Variants in MCU observed in about 807,000 individuals in gnomAD.
The protein encoded by MCU is mitochondrial calcium uniporter, also known as calcium uniporter protein, mitochondrial.
A neutral mutation model predicts 45.2 loss-of-function variants in MCU; 12 were observed. The observed-to-expected ratio is 0.27, with a 90% CI of 0.17 to 0.43. The LOEUF is 0.43. MCU is among the 20% of genes least tolerant of loss of function. MCU has a pLI of 1.00. For missense variants in MCU, 324 were observed against 436.7 expected, an observed-to-expected ratio of 0.74 and a Z score of 2.30; for synonymous variants, 160 against 165.1, an observed-to-expected ratio of 0.97 and a Z score of 0.24.
chr10:72,867,905 C>G (rs1845482199), intron 4 of MCU, among the ~76,000 whole-genome samples: 1 of 149,952 alleles, frequency 6.7e-6, no homozygotes, highest in Non-Finnish European at 1.5e-5. Context: ...TTTATTTATG[C>G]CTTTGTATTT....
In MCU at chr10:72,887,191, GTTTC is replaced by G. The variant is rs1332917281; in HGVS notation, c.*1375_*1378del. 6.5e-6 allele frequency: 1 copy of G among 152,708 alleles called. No homozygotes were observed. The highest frequency in any genetic ancestry group is 1.5e-5 in the Non-Finnish European group (1 of 68,054). 9.5% of individuals were successfully genotyped at this position (152,708 alleles called of 1,614,324 possible). On this transcript the variant is annotated 3_prime_UTR_variant, in exon 8 of 8. Transcript: ENST00000373053. ...TCATCCTTCCTCATTGTGGCAAGGA[GTTTC>G]TTTCTCTTTTTCTTCCTCCTTTGGG...
intron 1 of MCU, among the ~76,000 whole-genome samples, chr10:72,752,845 C>G (rs1484202316): frequency 2.0e-5 from 3 of 152,106 alleles, no homozygotes; most frequent in Non-Finnish European, 4.4e-5. Flanking sequence ...GTGGAAGGAG[C>G]CCTTCTTAAA....
intron 1 of MCU, among the ~76,000 whole-genome samples, chr10:72,706,416 A>C (rs778839298): frequency 1.6e-4 from 25 of 152,204 alleles, no homozygotes; most frequent in Non-Finnish European, 2.5e-4. Context: ...TTTATTGACT[A>C]GGTATCTTAC....
In MCU at chr10:72,887,424, A is replaced by G. The variant is rs531903918; in HGVS notation, c.*1602A>G. The stretch of plus-strand genomic sequence containing the variant: ...TCTCCCTCCACCACCCCCAGTCGTC[A>G]GCTCCTTCCCTCATTTATTTTTGTT... On this transcript the variant is annotated 3_prime_UTR_variant, in exon 8 of 8. Coordinates refer to ENST00000373053, the MANE Select transcript of MCU (RefSeq NM_138357.3). The G allele has an allele frequency of 2.0e-5, 3 of 152,788 alleles. No homozygotes were observed. Among genetic ancestry groups the G allele is most frequent in the African/African-American group, 4.8e-5 (2 of 41,518 alleles). 9.5% of individuals were successfully genotyped at this position (152,788 alleles called of 1,614,324 possible).
intron 1 of MCU, among the ~76,000 whole-genome samples, chr10:72,751,341 C>CTTCTTTT (rs1474252109): frequency 2.2e-5 from 1 of 44,752 alleles, no homozygotes; most frequent in African/African-American, 8.4e-5. Flanking sequence ...TCTTCTTCTT[C>CTTCTTTT]TTTTTTTTTT....
chr10:72,887,331 C>A lies in MCU; in HGVS notation c.*1509C>A, dbSNP rs2132911287. The A allele has an allele frequency of 6.5e-6, 1 of 152,880 alleles. No homozygotes were observed. Among genetic ancestry groups the A allele is most frequent in the South Asian group, 2.1e-4 (1 of 4,816 alleles). The allele number at this position is 152,880 out of a possible 1,614,324, so 9.5% of individuals were successfully genotyped here. On this transcript the variant is annotated 3_prime_UTR_variant, in exon 8 of 8. Coordinates refer to ENST00000373053, the MANE Select transcript of MCU (RefSeq NM_138357.3). ...GCTGCTGCTGCTACTCCTGCCAACA[C>A]CCCTTTCATTGGCATGACGGAATGA...
intron 4 of MCU, among the ~76,000 whole-genome samples, chr10:72,868,275 A>G (rs1165166745): frequency 1.3e-5 from 2 of 152,152 alleles, no homozygotes; most frequent in African/African-American, 4.8e-5. Context: ...TTGGCTGGGC[A>G]TGGTGGCTAA....
intron 2 of MCU, among the ~76,000 whole-genome samples, chr10:72,839,100 G>A (rs1031509844): frequency 2.0e-5 from 3 of 151,466 alleles, no homozygotes; most frequent in Admixed American, 6.6e-5. Flanking sequence ...AGCAATTCTC[G>A]TGCCTCAGCC....
chr10:72,820,102 T>C lies in MCU; in HGVS notation c.151-14257T>C, dbSNP rs933796535. ...AGTAAGGATCCTGCATCAATGGGAA[T>C]GTGTCACAAAATATCCGTTTACATT... On this transcript the variant is annotated intron_variant, in intron 1 of 7. Transcript: ENST00000373053. Among the ~76,000 whole-genome samples, 3 of 152,356 alleles carry C rather than the reference T, an allele frequency of 2.0e-5. No individual in the cohort carries two copies. In the East Asian group the frequency reaches 5.8e-4, roughly 29 times the overall value.
At chr10:72,701,752 C>T (rs1291947309) in intron 1 of MCU, among the ~76,000 whole-genome samples, 2 of 151,930 alleles carry the variant, frequency 1.3e-5, no homozygotes, top group African/African-American at 4.8e-5. Context: ...AGGATGGTCT[C>T]GATCTCCTGA....
At chr10:72,783,535 GGA>G (rs1844026951) in intron 1 of MCU, among the ~76,000 whole-genome samples, 1 of 152,112 alleles carries the variant, frequency 6.6e-6, no homozygotes, top group Non-Finnish European at 1.5e-5. Flanking sequence ...TCTCTTCCTA[GGA>G]GAGTTTACTT....
intron 1 of MCU, among the ~76,000 whole-genome samples, chr10:72,693,382 G>A (rs1250351675): frequency 6.6e-6 from 1 of 152,178 alleles, no homozygotes; most frequent in Non-Finnish European, 1.5e-5. Context: ...CTGGGGCTGA[G>A]TTGTATAGTG....
chr10:72,770,149 T>A (rs1843783715), intron 1 of MCU, among the ~76,000 whole-genome samples: 1 of 152,200 alleles, frequency 6.6e-6, no homozygotes, highest in Non-Finnish European at 1.5e-5. Flanking sequence ...TATTTCATTG[T>A]GATCAGAGAG....
chr10:72,768,583 T>G (rs1843761091), intron 1 of MCU, among the ~76,000 whole-genome samples: 1 of 152,180 alleles, frequency 6.6e-6, no homozygotes, highest in South Asian at 2.1e-4. Context: ...AGTTTCAACC[T>G]CTTAAATGGT....
chr10:72,712,499 C>T (rs1324193687), intron 1 of MCU: 3 of 152,090 alleles, frequency 2.0e-5, no homozygotes, highest in Admixed American at 6.6e-5. Context: ...AATTTGTTGG[C>T]ATTAATTCAT....
chr10:72,871,331 G>T (rs777448428), intron 5 of MCU, 46 bp from the exon 6 acceptor site: 1 of 1,575,310 alleles, frequency 6.3e-7, no homozygotes, highest in East Asian at 2.2e-5. Context: ...AGCCTTTTTA[G>T]ATTGGTTTTA....
intron 1 of MCU, among the ~76,000 whole-genome samples, chr10:72,805,859 G>A (rs1003333256): frequency 2.0e-5 from 3 of 152,198 alleles, no homozygotes; most frequent in African/African-American, 7.2e-5. Context: ...TAAGCACTTA[G>A]AAGAGAGATG....
At chr10:72,764,128 C>A (rs1228229650) in intron 1 of MCU, among the ~76,000 whole-genome samples, 2 of 152,154 alleles carry the variant, frequency 1.3e-5, no homozygotes, top group Non-Finnish European at 2.9e-5. Flanking sequence ...GTTGACTGGA[C>A]ACATGTTTTG....
chr10:72,875,905 G>A (rs1251462995), intron 6 of MCU, among the ~76,000 whole-genome samples: 2 of 152,198 alleles, frequency 1.3e-5, no homozygotes, highest in Non-Finnish European at 2.9e-5. Flanking sequence ...CAATGAAGGG[G>A]ATGATGTTGC....
Sources: allele counts gnomAD v4.1 joint callset (sites outside exome capture counted in the v4.1 genomes callset), GRCh38; gene constraint gnomAD v4.1.1; transcripts MANE v1.5; gene names NCBI Gene and HGNC (gene_info 2026-07-23, HGNC 2026-07-21).